The following ACKR2 variants were observed in gnomAD, a reference collection of about 807,000 sequenced individuals.
ACKR2 encodes the protein atypical chemokine receptor 2, also known as C-C chemokine receptor D6.
For missense variants in ACKR2, 457 were observed against 477.3 expected, an observed-to-expected ratio of 0.96 and a Z score of 0.40; for synonymous variants, 207 against 192.2, an observed-to-expected ratio of 1.08 and a Z score of -0.64.
At chr3:42,818,413 A>G (rs1445019277) in intron 1 of ACKR2, among the ~76,000 whole-genome samples, 1 of 152,204 alleles carries the variant, frequency 6.6e-6, no homozygotes, top group Non-Finnish European at 1.5e-5. Flanking sequence ...ATCTAGGGGA[A>G]GAGCTACAGC....
chr3:42,840,282 AAAAG>A (rs1038400518), intron 2 of ACKR2, among the ~76,000 whole-genome samples: 9 of 150,978 alleles, frequency 6.0e-5, no homozygotes, highest in Non-Finnish European at 1.0e-4. Context: ...AAAAAAAAAA[AAAAG>A]GAAATGAAAT....
chr3:42,856,163 C>A, intron 2 of ACKR2: 3 of 494,062 alleles, frequency 6.1e-6, no homozygotes, highest in Non-Finnish European at 1.1e-5. Context: ...GGAAGACCAG[C>A]AGAAAAAGGC....
Position 42,816,189 on chromosome 3 carries a change from C to CGTGTGT in ACKR2, c.-118-3415_-118-3410dup, listed in dbSNP as rs56332875. Among the ~76,000 whole-genome samples, 1,314 of 145,942 alleles carry CGTGTGT rather than the reference C, an allele frequency of 9.0e-3. 16 individuals are homozygous for CGTGTGT. Among genetic ancestry groups the CGTGTGT allele is most frequent in the African/African-American group, 0.029 (1,161 of 39,532 alleles). ...AACCTATAAACACAATTGATAGTTT[C>CGTGTGT]GTGTGTGTGTGTGTGTGTGTGTGTG... is the stretch of plus-strand genomic sequence containing the variant. On this transcript the variant is annotated intron_variant, in intron 1 of 2. Coordinates refer to ENST00000422265, the MANE Select transcript of ACKR2 (RefSeq NM_001296.5).
chr3:42,832,514 AAAAG>A (rs1226769562), intron 2 of ACKR2, among the ~76,000 whole-genome samples: 6 of 151,626 alleles, frequency 4.0e-5, no homozygotes, highest in Non-Finnish European at 5.9e-5. Context: ...GAATAAAAAA[AAAAG>A]AAAGAAAAAG....
chr3:42,809,834 C>T (rs1700676870), intron 1 of ACKR2, among the ~76,000 whole-genome samples: 1 of 151,712 alleles, frequency 6.6e-6, no homozygotes, highest in Admixed American at 6.6e-5. Flanking sequence ...TGTACTCCAG[C>T]CTGGGCAACA....
At chr3:42,862,484 T>G (rs2088394340) in intron 2 of ACKR2, among the ~76,000 whole-genome samples, 1 of 152,186 alleles carries the variant, frequency 6.6e-6, no homozygotes. Context: ...TACCACTGAC[T>G]TTATTCACAG....
intron 1 of ACKR2, among the ~76,000 whole-genome samples, chr3:42,816,129 GT>G (rs919882160): frequency 2.6e-5 from 4 of 151,684 alleles, no homozygotes; most frequent in Admixed American, 2.6e-4. Flanking sequence ...CATTCTGTGG[GT>G]TTTTTTGTGT....
intron 2 of ACKR2, among the ~76,000 whole-genome samples, chr3:42,828,092 A>ATATATTT (rs1193533555): frequency 0.061 from 7,401 of 121,454 alleles, 299 homozygotes; most frequent in South Asian, 0.12. Flanking sequence ...ATATATATAT[A>ATATATTT]TTTTTTTTTT....
At position 42,865,107 on chromosome 3, in the gene ACKR2, A is replaced by G. The variant is rs1575395249; in HGVS notation, c.605A>G (p.His202Arg). Residue 202 changes from histidine (H) to arginine (R), a missense_variant, in exon 3 of 3, where the codon CAT becomes CGT. Physicochemically the swap from His to Arg is conservative, Grantham distance 29 (BLOSUM62 0). Transcript: ENST00000422265. The stretch of plus-strand genomic sequence containing the variant: ...AACTGCCACGCAGATTTCGGCGGGC[A>G]TGGGACCATTTGGAAGCTCTTCCTC... ...VWNCHADFGG[H>R]GTIWKLFLRF... The G allele has an allele frequency of 6.2e-7, 1 of 1,614,038 alleles. No homozygotes were observed. The highest frequency in any genetic ancestry group is 8.5e-7 in the Non-Finnish European group (1 of 1,179,980).
chr3:42,809,817 G>A (rs560741999), intron 1 of ACKR2, among the ~76,000 whole-genome samples: 326 of 151,628 alleles, frequency 2.2e-3, no homozygotes, highest in African/African-American at 7.6e-3. Context: ...ACCCGAGATC[G>A]CGCCACTGTA....
intron 2 of ACKR2, among the ~76,000 whole-genome samples, chr3:42,832,259 T>C (rs1010963900): frequency 3.9e-5 from 6 of 151,930 alleles, no homozygotes; most frequent in African/African-American, 1.5e-4. Context: ...GAGGCTGAGG[T>C]GGGCAGATCA....
intron 1 of ACKR2, among the ~76,000 whole-genome samples, chr3:42,815,428 C>T (rs1308484774): frequency 6.6e-6 from 1 of 152,174 alleles, no homozygotes; most frequent in Non-Finnish European, 1.5e-5. Flanking sequence ...TCAGAAGATT[C>T]CATGTCAGAA....
chr3:42,825,768 G>A lies in ACKR2; in HGVS notation c.-38+6057G>A, dbSNP rs531570786. The stretch of plus-strand genomic sequence containing the variant: ...AATGTCAAATAAAAGTGGTGAAAGT[G>A]GGCATCTTTGTTTTGTTTGTGATCT... On this transcript the variant is annotated intron_variant, in intron 2 of 2. Coordinates refer to ENST00000422265, the MANE Select transcript of ACKR2 (RefSeq NM_001296.5). Among the ~76,000 whole-genome samples the A allele has an allele frequency of 2.6e-5, 4 of 151,874 alleles. No individual in the cohort carries two copies. The South Asian group carries it at 8.3e-4, about 32-fold the overall frequency.
intron 2 of ACKR2, chr3:42,834,836 C>G (rs2125610469): frequency 6.6e-6 from 1 of 152,192 alleles, no homozygotes; most frequent in African/African-American, 2.4e-5. Context: ...CTTGGCCTCC[C>G]AAAGTGCTGG....
chr3:42,812,376 T>A (rs1219782286), intron 1 of ACKR2, among the ~76,000 whole-genome samples: 1 of 152,224 alleles, frequency 6.6e-6, no homozygotes. Context: ...TTAGGAAAGG[T>A]TTAAAGCAAT....
At chr3:42,850,522 T>G (rs1701143234) in intron 2 of ACKR2, among the ~76,000 whole-genome samples, 1 of 152,090 alleles carries the variant, frequency 6.6e-6, no homozygotes, top group African/African-American at 2.4e-5. Flanking sequence ...TCAGTCCAGG[T>G]GGAGACAACA....
intron 2 of ACKR2, among the ~76,000 whole-genome samples, chr3:42,825,423 C>T (rs909513287): frequency 6.6e-6 from 1 of 152,064 alleles, no homozygotes; most frequent in African/African-American, 2.4e-5. Context: ...CCTTGCACTT[C>T]ATTTGTTAAA....
At chr3:42,833,109 C>T (rs1700947527) in intron 2 of ACKR2, among the ~76,000 whole-genome samples, 1 of 152,172 alleles carries the variant, frequency 6.6e-6, no homozygotes, top group African/African-American at 2.4e-5. Context: ...AGCGATCTGC[C>T]CGCCTTGGCC....
intron 2 of ACKR2, among the ~76,000 whole-genome samples, chr3:42,833,066 A>G (rs1700947259): frequency 6.6e-6 from 1 of 152,086 alleles, no homozygotes; most frequent in Non-Finnish European, 1.5e-5. Context: ...GTTTCTCCAC[A>G]TTGCCTAGGC....
Sources: gnomAD v4.1 joint callset for allele counts (sites outside exome capture counted in the v4.1 genomes callset) on GRCh38, gnomAD v4.1.1 for gene constraint, MANE v1.5 for transcripts, NCBI Gene and HGNC (gene_info 2026-07-23, HGNC 2026-07-21) for gene names.